The following RGS8 variants were observed in gnomAD, a reference collection of about 807,000 sequenced individuals.
RGS8 encodes regulator of G protein signaling 8.
A neutral mutation model predicts 21.7 loss-of-function variants in RGS8; 8 were observed. The ratio of observed to expected loss-of-function variants is 0.37; its 90% confidence interval spans 0.22 to 0.66. The LOEUF (loss-of-function observed/expected upper bound fraction) is 0.66, where lower values mean the gene tolerates loss of function less well. RGS8 is among the 30% of genes least tolerant of loss of function. The pLI is 0.59. For missense variants in RGS8, 157 were observed against 217.9 expected, an observed-to-expected ratio of 0.72 and a Z score of 1.76; for synonymous variants, 80 against 83.6, an observed-to-expected ratio of 0.96 and a Z score of 0.24.
chr1:182,667,351 G>C (rs1164729851), intron 3 of RGS8, among the ~76,000 whole-genome samples: 1 of 152,238 alleles, frequency 6.6e-6, no homozygotes, highest in Admixed American at 6.5e-5. Context: ...AGCAGCAGCA[G>C]CAGCTCCTGA....
chr1:182,659,820 A>C (rs1387084458), intron 5 of RGS8, among the ~76,000 whole-genome samples: 1 of 151,760 alleles, frequency 6.6e-6, no homozygotes, highest in Non-Finnish European at 1.5e-5. Flanking sequence ...GGACTCACAA[A>C]AAAAAAAGGG....
chr1:182,672,006 G>T (rs1664189309), upstream of RGS8: 2 of 1,056,026 alleles, frequency 1.9e-6, no homozygotes, highest in Non-Finnish European at 2.5e-6. Flanking sequence ...GATGCAGAAG[G>T]TGCCCCTGAG....
intron 1 of RGS8, 64 bp from the exon 3 acceptor site, chr1:182,671,794 A>C: frequency 6.2e-7 from 1 of 1,608,504 alleles, no homozygotes; most frequent in South Asian, 1.1e-5. Context: ...GCATGTGTGC[A>C]TGAACACATA....
chr1:182,667,041 G>A (rs899902518), intron 3 of RGS8, 68 bp from the exon 5 acceptor site: 8 of 1,290,342 alleles, frequency 6.2e-6, no homozygotes, highest in Non-Finnish European at 9.0e-6. Flanking sequence ...TCTATACAGG[G>A]CCCCTGGAGC....
intron 3 of RGS8, among the ~76,000 whole-genome samples, chr1:182,669,209 T>G (rs1664030337): frequency 6.6e-6 from 1 of 152,216 alleles, no homozygotes; most frequent in Admixed American, 6.5e-5. Flanking sequence ...AGGTCTGAAA[T>G]AATGAGGGTA....
chr1:182,668,693 C>T (rs937587203), intron 3 of RGS8, among the ~76,000 whole-genome samples: 2 of 152,192 alleles, frequency 1.3e-5, no homozygotes, highest in Admixed American at 6.5e-5. Flanking sequence ...CTCAGCCAGG[C>T]CGCATTGTGA....
Position 182,666,043 on chromosome 1 carries a change from A to T in RGS8, c.129-10T>A. The T allele has an allele frequency of 6.2e-7, 1 of 1,612,568 alleles. No homozygotes were observed. The highest frequency in any genetic ancestry group is 1.1e-5 in the South Asian group (1 of 91,016). ...TTCTGTCGATAATCTCCTAGAAAAA[A>T]AGAAACATCTGTCTTGAATGTTTCT... On this transcript the variant is annotated splice_polypyrimidine_tract_variant and intron_variant, in intron 4 of 6. Coordinates refer to ENST00000483095, the Ensembl canonical transcript of RGS8.
At chr1:182,645,953 G>A (rs951508253), downstream of RGS8, 3 of 152,204 alleles carry the variant, frequency 2.0e-5, no homozygotes, top group South Asian at 2.1e-4. Context: ...ACTTGCCCTC[G>A]TCTCTTGACT....
the RGS8 span, among the ~76,000 whole-genome samples, chr1:182,746,846 T>A: frequency 6.6e-6 from 1 of 152,144 alleles, no homozygotes; most frequent in Admixed American, 6.5e-5. Context: ...CAAAAGACAA[T>A]GTCTTCTTTA....
chr1:182,683,727 G>C (rs777540708), intron 1 of RGS8, among the ~76,000 whole-genome samples: 1 of 151,300 alleles, frequency 6.6e-6, no homozygotes, highest in Non-Finnish European at 1.5e-5. Context: ...GGAGGCAACC[G>C]TGCCCTCAAC....
At chr1:182,727,551 A>G in the RGS8 span, among the ~76,000 whole-genome samples, 172 of 152,266 alleles carry the variant, frequency 1.1e-3, 2 homozygotes, top group East Asian at 0.027. Context: ...TTCTTGAACA[A>G]CTCATAACCT....
At chr1:182,751,917 G>A in the RGS8 span, among the ~76,000 whole-genome samples, 2 of 152,226 alleles carry the variant, frequency 1.3e-5, no homozygotes, top group Non-Finnish European at 2.9e-5. Context: ...GGTTGTTTTT[G>A]TTTTATTTGA....
chr1:182,692,399 A>G, the RGS8 span, among the ~76,000 whole-genome samples: 1 of 152,168 alleles, frequency 6.6e-6, no homozygotes, highest in Admixed American at 6.5e-5. Flanking sequence ...TAAAATATTT[A>G]GGAATTTAAC....
chr1:182,723,572 A>G, the RGS8 span, among the ~76,000 whole-genome samples: 2 of 152,230 alleles, frequency 1.3e-5, no homozygotes, highest in Non-Finnish European at 2.9e-5. Context: ...AATCTTATTA[A>G]ATCTAATCTG....
chr1:182,689,298 CACACACA>C (rs767337506), upstream of RGS8, among the ~76,000 whole-genome samples: 4,633 of 149,934 alleles, frequency 0.031, 99 homozygotes, highest in Admixed American at 0.042. Context: ...CACACACACA[CACACACA>C]CCCCACAAGT....
At chr1:182,676,709 G>T (rs1475673954), upstream of RGS8, among the ~76,000 whole-genome samples, 1 of 152,224 alleles carries the variant, frequency 6.6e-6, no homozygotes, top group African/African-American at 2.4e-5. Context: ...AGCAGCTGAA[G>T]CTGTGTGCCC....
intron 2 of RGS8, 101 bp from the exon 4 acceptor site, chr1:182,669,853 A>G: frequency 1.5e-6 from 2 of 1,301,098 alleles, no homozygotes; most frequent in South Asian, 1.6e-5. Context: ...ACCTCCCCAC[A>G]CACATCCCCC....
the RGS8 span, among the ~76,000 whole-genome samples, chr1:182,721,018 CAT>C: frequency 3.6e-3 from 286 of 79,788 alleles, 4 homozygotes; most frequent in African/African-American, 0.013. Context: ...CATATATACA[CAT>C]ATATATGTGT....
the RGS8 span, among the ~76,000 whole-genome samples, chr1:182,699,302 C>T: frequency 6.6e-6 from 1 of 152,056 alleles, no homozygotes; most frequent in Admixed American, 6.5e-5. Context: ...TCGCCTGGCT[C>T]GGTACTTAGA....
Sources: gnomAD v4.1 joint callset for allele counts (sites outside exome capture counted in the v4.1 genomes callset) on GRCh38, gnomAD v4.1.1 for gene constraint, MANE v1.5 for transcripts, NCBI Gene and HGNC (gene_info 2026-07-23, HGNC 2026-07-21) for gene names.